Variants in EPHA6 observed in about 807,000 individuals in gnomAD.
The protein encoded by EPHA6 is EPH receptor A6.
EPHA6 carries 50 observed loss-of-function variants against 112.0 expected under a neutral mutation model. That is an observed-to-expected ratio of 0.45 (90% CI 0.36 to 0.56). EPHA6 has a LOEUF of 0.56. EPHA6 is among the 20% of genes least tolerant of loss of function. EPHA6 has a pLI of 0.00. For missense variants in EPHA6, 1,280 were observed against 1,417.4 expected (o/e 0.90, Z 1.56); for synonymous variants, 529 against 490.7 (o/e 1.08, Z -1.03).
intron 5 of EPHA6, among the ~76,000 whole-genome samples, chr3:97,331,305 T>G (rs1012098554): frequency 2.0e-5 from 3 of 151,994 alleles, no homozygotes; most frequent in African/African-American, 7.3e-5. Context: ...AGGAAAGATC[T>G]GAAATTGACA....
intron 2 of EPHA6, among the ~76,000 whole-genome samples, chr3:96,926,789 A>T (rs2040057606): frequency 6.6e-6 from 1 of 152,174 alleles, no homozygotes; most frequent in African/African-American, 2.4e-5. Flanking sequence ...TGCAGGGTAC[A>T]GCCCCCCAGC....
At chr3:97,294,161 C>T (rs1169187155) in intron 5 of EPHA6, among the ~76,000 whole-genome samples, 1 of 152,228 alleles carries the variant, frequency 6.6e-6, no homozygotes, top group Non-Finnish European at 1.5e-5. Flanking sequence ...GCAGCTGCAG[C>T]TGCACGTGGG....
At chr3:96,951,128 A>C (rs1303530098) in intron 2 of EPHA6, among the ~76,000 whole-genome samples, 3 of 152,120 alleles carry the variant, frequency 2.0e-5, no homozygotes, top group African/African-American at 7.2e-5. Flanking sequence ...ATAATTGAGA[A>C]ACTGTCTAGT....
At chr3:96,840,023 A>G (rs1354590333) in intron 1 of EPHA6, among the ~76,000 whole-genome samples, 1 of 151,842 alleles carries the variant, frequency 6.6e-6, no homozygotes, top group African/African-American at 2.4e-5. Context: ...GTAGTGCCAA[A>G]GAGTATTGAA....
At chr3:97,428,712 C>T (rs1447121331) in intron 6 of EPHA6, among the ~76,000 whole-genome samples, 1 of 148,710 alleles carries the variant, frequency 6.7e-6, no homozygotes, top group Admixed American at 6.6e-5. Context: ...CAAGGAGGGT[C>T]TCCAGCTACC....
chr3:97,381,012 G>A (rs2109019702), intron 5 of EPHA6, among the ~76,000 whole-genome samples: 1 of 152,040 alleles, frequency 6.6e-6, no homozygotes, highest in East Asian at 1.9e-4. Context: ...CAAGACAGTA[G>A]CATTTTCTTC....
intron 14 of EPHA6, among the ~76,000 whole-genome samples, chr3:97,639,741 C>A (rs2093984420): frequency 6.6e-6 from 1 of 152,136 alleles, no homozygotes; most frequent in African/African-American, 2.4e-5. Flanking sequence ...AGACTCTTGG[C>A]ATTTTCTGTC....
chr3:96,922,734 A>G (rs1279518573), intron 2 of EPHA6, among the ~76,000 whole-genome samples: 1 of 151,958 alleles, frequency 6.6e-6, no homozygotes, highest in Non-Finnish European at 1.5e-5. Flanking sequence ...GGTTTACTGC[A>G]CAGATTATCC....
At chr3:96,884,112 G>C (rs1251678231) in intron 2 of EPHA6, among the ~76,000 whole-genome samples, 1 of 152,104 alleles carries the variant, frequency 6.6e-6, no homozygotes, top group Non-Finnish European at 1.5e-5. Flanking sequence ...TGCTGTTTTG[G>C]TGACTATGGC....
At chr3:97,338,034 T>C (rs1333886996) in intron 5 of EPHA6, among the ~76,000 whole-genome samples, 1 of 152,030 alleles carries the variant, frequency 6.6e-6, no homozygotes, top group East Asian at 1.9e-4. Context: ...TTGATATCGT[T>C]GGAGAGACTA....
At chr3:96,859,640 T>C (rs1324073804) in intron 1 of EPHA6, among the ~76,000 whole-genome samples, 1 of 152,104 alleles carries the variant, frequency 6.6e-6, no homozygotes, top group African/African-American at 2.4e-5. Context: ...TCCCACTCTA[T>C]GTAAAACAAT....
At chr3:97,292,407 A>G (rs1002874940) in intron 5 of EPHA6, among the ~76,000 whole-genome samples, 5 of 152,250 alleles carry the variant, frequency 3.3e-5, no homozygotes, top group Admixed American at 2.6e-4. Context: ...CTTGTCCTGC[A>G]TACAAAAGGA....
intron 9 of EPHA6, among the ~76,000 whole-genome samples, chr3:97,483,701 C>A (rs545135098): frequency 1.8e-4 from 27 of 152,220 alleles, no homozygotes; most frequent in Admixed American, 1.2e-3. Flanking sequence ...TTTTCTGGAA[C>A]CTGTCAGCTC....
intron 11 of EPHA6, among the ~76,000 whole-genome samples, chr3:97,538,794 G>A (rs1560112587): frequency 6.6e-6 from 1 of 152,172 alleles, no homozygotes; most frequent in East Asian, 1.9e-4. Flanking sequence ...CATGGGAATG[G>A]AGGCCAGATG....
chr3:97,119,947 CA>C (rs2047996326), intron 3 of EPHA6, among the ~76,000 whole-genome samples: 1 of 151,932 alleles, frequency 6.6e-6, no homozygotes, highest in Non-Finnish European at 1.5e-5. Context: ...TGCTGAGACT[CA>C]TTTGCTGAAT....
chr3:97,222,874 G>A (rs901560913), intron 3 of EPHA6, among the ~76,000 whole-genome samples: 4 of 152,192 alleles, frequency 2.6e-5, no homozygotes, highest in African/African-American at 9.6e-5. Context: ...GCTAACTAAT[G>A]CGGAAAAGGC....
chr3:97,126,388 T>C (rs1461427309), intron 3 of EPHA6, among the ~76,000 whole-genome samples: 1 of 152,144 alleles, frequency 6.6e-6, no homozygotes, highest in Non-Finnish European at 1.5e-5. Flanking sequence ...ACAGTAATTT[T>C]CCCACTTTTC....
intron 3 of EPHA6, among the ~76,000 whole-genome samples, chr3:96,995,833 G>A (rs1257905264): frequency 5.3e-5 from 8 of 152,182 alleles, no homozygotes; most frequent in Admixed American, 3.3e-4. Context: ...ATCTTGACTC[G>A]ATATTGATGG....
Position 97,066,435 on chromosome 3 carries a change from A to C in EPHA6, c.1114+78442A>C, listed in dbSNP as rs146697190. On this transcript the variant is annotated intron_variant, in intron 3 of 17. Transcript: ENST00000389672. The stretch of plus-strand genomic sequence containing the variant: ...TGAATATGAAAATGTCATTTATACT[A>C]TTGACTTCAGTTATTAAATAGGTCA... 3.9e-5 allele frequency among the ~76,000 whole-genome samples: 6 copies of C among 152,282 alleles called. No homozygotes were observed. The East Asian group carries it at 1.2e-3, about 29-fold the overall frequency.
Sources: gnomAD v4.1 joint callset for allele counts (sites outside exome capture counted in the v4.1 genomes callset) on GRCh38, gnomAD v4.1.1 for gene constraint, MANE v1.5 for transcripts, NCBI Gene and HGNC (gene_info 2026-07-23, HGNC 2026-07-21) for gene names.